SNTG2: variants seen among roughly 807,000 people sequenced by gnomAD.
SNTG2 encodes gamma-2-syntrophin.
A neutral mutation model predicts 70.9 loss-of-function variants in SNTG2; 74 were observed. The observed-to-expected ratio is 1.04, with a 90% CI of 0.86 to 1.27. The LOEUF is 1.27. SNTG2 is among the 50% of genes most tolerant of loss of function. The probability of loss-of-function intolerance (pLI) is 0.00; values close to 1 mark genes in which losing one functional copy is unlikely to be tolerated. For missense variants in SNTG2, 717 were observed against 690.7 expected, an observed-to-expected ratio of 1.04 and a Z score of -0.43; for synonymous variants, 278 against 273.8, an observed-to-expected ratio of 1.02 and a Z score of -0.15.
intron 1 of SNTG2, among the ~76,000 whole-genome samples, chr2:1,021,984 A>G (rs13412413): frequency 0.094 from 12,805 of 135,824 alleles, 668 homozygotes; most frequent in Middle Eastern, 0.13. Context: ...TAATAATCCT[A>G]TCATGCTAAA....
At chr2:1,167,964 C>G (rs1398490929) in intron 7 of SNTG2, among the ~76,000 whole-genome samples, 1 of 130,438 alleles carries the variant, frequency 7.7e-6, no homozygotes, top group Non-Finnish European at 1.6e-5. Flanking sequence ...AAGCCGCCCA[C>G]AGACGGCAGA....
At chr2:1,266,344 A>G (rs1486110310) in intron 13 of SNTG2, among the ~76,000 whole-genome samples, 1 of 152,188 alleles carries the variant, frequency 6.6e-6, no homozygotes, top group Non-Finnish European at 1.5e-5. Context: ...GCAACCTTGC[A>G]GATGGGGGAA....
intron 12 of SNTG2, among the ~76,000 whole-genome samples, chr2:1,255,859 T>C (rs1572872289): frequency 2.4e-5 from 1 of 42,158 alleles, no homozygotes; most frequent in Non-Finnish European, 3.9e-5. Flanking sequence ...TATAAATATA[T>C]ATAAATATAT....
chr2:1,260,824 T>G (rs1243194946), intron 13 of SNTG2, among the ~76,000 whole-genome samples: 2 of 151,790 alleles, frequency 1.3e-5, no homozygotes, highest in Non-Finnish European at 2.9e-5. Flanking sequence ...TTCCTTCGCA[T>G]GGGCTCCTCA....
At chr2:995,897 T>A (rs1428044964) in intron 1 of SNTG2, among the ~76,000 whole-genome samples, 1 of 152,126 alleles carries the variant, frequency 6.6e-6, no homozygotes, top group African/African-American at 2.4e-5. Flanking sequence ...AGAGAGAGAA[T>A]TAGTTGGCAA....
chr2:1,083,572 A>T lies in SNTG2; in HGVS notation c.127A>T (p.Ile43Phe), dbSNP rs1558379741. ...YDEESENAYD[I>F]RLKLTKEVLT... ...TGAAGAGTCCGAAAATGCCTATGACATCCGGCTGAAGCTGACGAAAGAGGT... is the reference window on the plus strand; with the variant it reads ...TGAAGAGTCCGAAAATGCCTATGACTTCCGGCTGAAGCTGACGAAAGAGGT... The change falls in exon 2 of 17, where the codon ATC (isoleucine) becomes TTC (phenylalanine). Residue 43 changes from isoleucine to phenylalanine, a missense_variant. By Grantham distance (21) the Ile-to-Phe change is conservative (BLOSUM62 0). Coordinates refer to ENST00000308624, the MANE Select transcript of SNTG2 (RefSeq NM_018968.4). The T allele has an allele frequency of 3.1e-6, 5 of 1,613,724 alleles. No individual in the cohort carries two copies. Among genetic ancestry groups the T allele is most frequent in the Non-Finnish European group, 3.4e-6 (4 of 1,179,708 alleles).
intron 6 of SNTG2, 147 bp downstream of exon 6, chr2:1,137,956 A>G: frequency 2.4e-6 from 2 of 850,032 alleles, no homozygotes; most frequent in South Asian, 1.6e-5. Flanking sequence ...ATCATGTTAC[A>G]AAAGGACCTT....
In SNTG2 at chr2:1,272,721, AGGGAGCG is replaced by A. The variant is rs1259335347; in HGVS notation, c.1284+5153_1284+5159del. Reference sequence around the variant, plus strand: ...GGAGCGGGTGCAGAAAGGACACCCCAGGGAGCGGGTGCAGAAAGGACACCCCAGGGAG... The same window carrying A: ...GGAGCGGGTGCAGAAAGGACACCCCAGGTGCAGAAAGGACACCCCAGGGAG... On this transcript the variant is annotated intron_variant, in intron 14 of 16. Transcript: ENST00000308624. Among the ~76,000 whole-genome samples, 171 of 121,480 alleles carry A rather than the reference AGGGAGCG, an allele frequency of 1.4e-3. 3 individuals carry two copies. In the East Asian group the frequency reaches 0.037, roughly 26 times the overall value. 79.7% of individuals were successfully genotyped at this position (121,480 alleles called of 152,430 possible). A position where few individuals can be genotyped will look rare whatever the true frequency, so the allele number is the denominator to read the frequency against.
chr2:1,069,675 C>T (rs1474769576), intron 1 of SNTG2, among the ~76,000 whole-genome samples: 3 of 152,152 alleles, frequency 2.0e-5, no homozygotes, highest in Admixed American at 6.5e-5. Flanking sequence ...CCTGTAGTTC[C>T]AGCTACTCTG....
intron 1 of SNTG2, among the ~76,000 whole-genome samples, chr2:975,540 C>T (rs1252823995): frequency 6.6e-6 from 1 of 152,236 alleles, no homozygotes; most frequent in African/African-American, 2.4e-5. Context: ...ATATAATAAG[C>T]TCTAAAGATT....
rs574936465 is a variant in SNTG2 at position 1,098,544 on chromosome 2, T to A, written c.325+134T>A. The A allele has an allele frequency of 5.4e-4, 525 of 975,316 alleles. No individual in the cohort carries two copies. In the African/African-American group the frequency reaches 7.7e-3, roughly 14 times the overall value. 60.4% of individuals were successfully genotyped at this position (975,316 alleles called of 1,614,324 possible). ...CTTCCGTTTTATTTTTGTAGCTGTG[T>A]CTTGTTTCAAAGGATGCTTCTTATG... On this transcript the variant is annotated intron_variant, in intron 4 of 16. Coordinates refer to ENST00000308624, the MANE Select transcript of SNTG2 (RefSeq NM_018968.4).
At chr2:987,403 C>T (rs539777838) in intron 1 of SNTG2, among the ~76,000 whole-genome samples, 1 of 152,078 alleles carries the variant, frequency 6.6e-6, no homozygotes, top group Non-Finnish European at 1.5e-5. Context: ...TCTGTGAAGT[C>T]TCCTGGGGTG....
chr2:1,029,926 A>G (rs1165579795), intron 1 of SNTG2, among the ~76,000 whole-genome samples: 1 of 152,128 alleles, frequency 6.6e-6, no homozygotes, highest in African/African-American at 2.4e-5. Flanking sequence ...TACCTTTCAC[A>G]TCTTACGTTC....
intron 8 of SNTG2, among the ~76,000 whole-genome samples, chr2:1,199,115 GAC>G (rs1425507259): frequency 7.8e-6 from 1 of 127,466 alleles, no homozygotes; most frequent in African/African-American, 3.1e-5. Flanking sequence ...GATGAACACA[GAC>G]ACAAAAACCC....
chr2:1,079,928 C>T (rs1180266387), intron 1 of SNTG2, among the ~76,000 whole-genome samples: 4 of 152,362 alleles, frequency 2.6e-5, no homozygotes, highest in East Asian at 1.9e-4. Context: ...CCTCCGAAGG[C>T]GGCTGCACTA....
chr2:1,152,845 C>T (rs1669605882), intron 6 of SNTG2, among the ~76,000 whole-genome samples: 1 of 152,088 alleles, frequency 6.6e-6, no homozygotes, highest in South Asian at 2.1e-4. Context: ...TTCACAAGGC[C>T]AGGCATGGTG....
chr2:1,063,441 CCTCTCAGGCACAGCTGGCTCT>C (rs1662953462), intron 1 of SNTG2, among the ~76,000 whole-genome samples: 1 of 152,126 alleles, frequency 6.6e-6, no homozygotes, highest in African/African-American at 2.4e-5. Flanking sequence ...AGAAGAGTTC[CCTCTCAGGCACAGCTGGCTCT>C]CTCCAAAAGC....
intron 16 of SNTG2, among the ~76,000 whole-genome samples, chr2:1,342,367 C>G (rs1482846621): frequency 5.0e-4 from 36 of 71,530 alleles, no homozygotes; most frequent in African/African-American, 1.5e-3. Context: ...ACTTTTCCCC[C>G]TGTTCTGGGC....
chr2:1,309,374 G>A (rs111627747), intron 15 of SNTG2, among the ~76,000 whole-genome samples: 1,604 of 152,334 alleles, frequency 0.011, 28 homozygotes, highest in African/African-American at 0.037. Context: ...TGGGAACTGC[G>A]CCTTCTTTCT....
Sources: gnomAD v4.1 joint callset for allele counts (sites outside exome capture counted in the v4.1 genomes callset) on GRCh38, gnomAD v4.1.1 for gene constraint, MANE v1.5 for transcripts, NCBI Gene and HGNC (gene_info 2026-07-23, HGNC 2026-07-21) for gene names.